CACNA2D1: variants seen among roughly 807,000 people sequenced by gnomAD.
CACNA2D1 encodes the protein voltage-dependent calcium channel subunit alpha-2/delta-1.
CACNA2D1 carries 53 observed loss-of-function variants against 171.5 expected under a neutral mutation model. That is an observed-to-expected ratio of 0.31 (90% CI 0.25 to 0.39). The LOEUF is 0.39. Among genes scored for constraint, CACNA2D1 ranks in the 10% least tolerant of loss-of-function variants. The pLI, the probability that CACNA2D1 is intolerant of heterozygous loss-of-function variation, is 1.00. For synonymous variants in CACNA2D1, 442 were observed against 443.1 expected (o/e 1.00, Z 0.03); for missense variants, 903 against 1,299.8 (o/e 0.69, Z 4.69).
At chr7:82,335,394 G>C in intron 2 of CACNA2D1, 143 bp from the exon 3 acceptor site, 2 of 656,352 alleles carry the variant, frequency 3.0e-6, no homozygotes, top group Non-Finnish European at 5.4e-6. Context: ...GAGTTTGAGT[G>C]TGTCAGGAAA....
At chr7:82,038,895 C>A (rs1286062914) in intron 10 of CACNA2D1, among the ~76,000 whole-genome samples, 1 of 152,078 alleles carries the variant, frequency 6.6e-6, no homozygotes, top group Non-Finnish European at 1.5e-5. Context: ...ACGATAACTG[C>A]CCAAAATGGA....
rs115546068 is a variant in CACNA2D1 at position 82,371,678 on chromosome 7, G to A, written c.96-22029C>T. Among the ~76,000 whole-genome samples, 634 of 152,118 alleles carry A rather than the reference G, an allele frequency of 4.2e-3. 7 individuals carry two copies. The highest frequency in any genetic ancestry group is 0.014 in the African/African-American group (600 of 41,502). ...TCACTGTAACCTCCCGGACTCAAGC[G>A]ATTCCCCTGCCTTAGACTCCCGAGT... On this transcript the variant is annotated intron_variant, in intron 1 of 38. Transcript: ENST00000356860.
chr7:82,285,918 G>A (rs1195725975), intron 3 of CACNA2D1, among the ~76,000 whole-genome samples: 2 of 152,096 alleles, frequency 1.3e-5, no homozygotes, highest in Non-Finnish European at 2.9e-5. Flanking sequence ...ATTATTTGTA[G>A]ATCAATGATT....
At chr7:82,427,637 T>A (rs908968219) in intron 1 of CACNA2D1, among the ~76,000 whole-genome samples, 1 of 152,178 alleles carries the variant, frequency 6.6e-6, no homozygotes, top group African/African-American at 2.4e-5. Context: ...CTATGAAGTT[T>A]TATCAATGGG....
intron 4 of CACNA2D1, among the ~76,000 whole-genome samples, chr7:82,140,019 G>C (rs989304324): frequency 4.6e-5 from 7 of 151,412 alleles, no homozygotes; most frequent in Admixed American, 4.6e-4. Flanking sequence ...TCGAACTCCT[G>C]ACCTCAAGTG....
At chr7:82,162,575 ACTT>A (rs1473743065) in intron 4 of CACNA2D1, among the ~76,000 whole-genome samples, 2 of 151,946 alleles carry the variant, frequency 1.3e-5, no homozygotes, top group South Asian at 2.1e-4. Flanking sequence ...CCAGCTACAA[ACTT>A]CTTAAGAACT....
At chr7:82,260,954 C>CTT (rs111299550) in intron 3 of CACNA2D1, among the ~76,000 whole-genome samples, 2 of 145,526 alleles carry the variant, frequency 1.4e-5, no homozygotes, top group African/African-American at 2.5e-5. Flanking sequence ...ATTGGACCAC[C>CTT]TTTTTTTTTT....
rs953917252 is a variant in CACNA2D1, at chr7:82,066,643, G to C, written c.659-119C>G. 8.7e-6 allele frequency: 12 copies of C among 1,381,954 alleles called. No homozygotes were observed. The African/African-American group carries it at 1.6e-4, about 19-fold the overall frequency. 85.6% of individuals were successfully genotyped at this position (1,381,954 alleles called of 1,614,324 possible). A position where few individuals can be genotyped will look rare whatever the true frequency, so the allele number is the denominator to read the frequency against. ...CATAATTTCACTTACGTACTTCAAT[G>C]TTCAAATGAGAGATATCATTTTTAA... is the stretch of plus-strand genomic sequence containing the variant. On this transcript the variant is annotated intron_variant, in intron 7 of 38. Transcript: ENST00000356860.
chr7:82,265,820 T>A (rs527521516), intron 3 of CACNA2D1, among the ~76,000 whole-genome samples: 1 of 152,118 alleles, frequency 6.6e-6, no homozygotes, highest in African/African-American at 2.4e-5. Context: ...TCCTCCCCCC[T>A]TATCCAGGGT....
At chr7:82,094,451 G>T (rs1009182485) in intron 6 of CACNA2D1, among the ~76,000 whole-genome samples, 1 of 152,114 alleles carries the variant, frequency 6.6e-6, no homozygotes, top group African/African-American at 2.4e-5. Flanking sequence ...TACACAGAGA[G>T]ATGGACATCT....
intron 1 of CACNA2D1, among the ~76,000 whole-genome samples, chr7:82,389,541 T>C (rs1824851876): frequency 6.6e-6 from 1 of 152,150 alleles, no homozygotes; most frequent in Admixed American, 6.5e-5. Flanking sequence ...TGGTATGAGG[T>C]GTTATCTCTA....
chr7:82,400,310 G>C (rs36144197), intron 1 of CACNA2D1, among the ~76,000 whole-genome samples: 1 of 150,860 alleles, frequency 6.6e-6, no homozygotes, highest in Admixed American at 6.7e-5. Context: ...CCATTTTCAC[G>C]ATATTGATTC....
intron 12 of CACNA2D1, among the ~76,000 whole-genome samples, chr7:82,024,130 C>T (rs941641394): frequency 1.3e-5 from 2 of 151,594 alleles, no homozygotes; most frequent in Admixed American, 6.6e-5. Context: ...AAGTACTCTT[C>T]AAGATCCTAA....
At chr7:82,388,062 C>CAAAAAAAAAAAA (rs772179078) in intron 1 of CACNA2D1, among the ~76,000 whole-genome samples, 1 of 79,242 alleles carries the variant, frequency 1.3e-5, no homozygotes, top group African/African-American at 4.3e-5. Context: ...ACCCTGTCTC[C>CAAAAAAAAAAAA]AAAAAAAAAA....
rs139097791 is a variant in CACNA2D1 at position 82,220,925 on chromosome 7, C to T, written c.295-50316G>A. On this transcript the variant is annotated intron_variant, in intron 3 of 38. Coordinates refer to ENST00000356860, the MANE Select transcript of CACNA2D1 (RefSeq NM_000722.4). ...TCCAGAGTAGCTGGGACTATAGGCG[C>T]GTGCCACCATGCCCGGCTATTTGTA... Among the ~76,000 whole-genome samples the T allele has an allele frequency of 1.5e-3, 229 of 151,886 alleles. 1 individual carries two copies. Among genetic ancestry groups the T allele is most frequent in the African/African-American group, 5.0e-3 (209 of 41,454 alleles).
intron 3 of CACNA2D1, among the ~76,000 whole-genome samples, chr7:82,253,564 A>C (rs1233693334): frequency 6.6e-6 from 1 of 152,242 alleles, no homozygotes; most frequent in Non-Finnish European, 1.5e-5. Flanking sequence ...CACAAAAGTA[A>C]GATAAACTAA....
chr7:82,179,024 T>C (rs1179857123), intron 3 of CACNA2D1, among the ~76,000 whole-genome samples: 1 of 151,868 alleles, frequency 6.6e-6, no homozygotes, highest in Non-Finnish European at 1.5e-5. Context: ...TATAATACTT[T>C]GACATTCTGT....
At chr7:82,181,174 T>G (rs2129169820) in intron 3 of CACNA2D1, among the ~76,000 whole-genome samples, 1 of 148,908 alleles carries the variant, frequency 6.7e-6, no homozygotes, top group Non-Finnish European at 1.5e-5. Context: ...TATTACTGGG[T>G]TTGAAACAAC....
intron 3 of CACNA2D1, among the ~76,000 whole-genome samples, chr7:82,269,974 G>C (rs1808400648): frequency 6.6e-6 from 1 of 152,092 alleles, no homozygotes; most frequent in Non-Finnish European, 1.5e-5. Context: ...AAGCAGCATT[G>C]GAGGCTGAGG....
Sources: gnomAD v4.1 joint callset for allele counts (sites outside exome capture counted in the v4.1 genomes callset) on GRCh38, gnomAD v4.1.1 for gene constraint, MANE v1.5 for transcripts, NCBI Gene and HGNC (gene_info 2026-07-23, HGNC 2026-07-21) for gene names.